Variants in XIRP2 observed in about 807,000 individuals in gnomAD.
The protein encoded by XIRP2 is xin actin binding repeat containing 2.
A neutral mutation model predicts 277.0 loss-of-function variants in XIRP2; 236 were observed. The observed-to-expected ratio is 0.85, with a 90% CI of 0.77 to 0.95. The LOEUF is 0.95. Ranked by LOEUF, XIRP2 falls within the 40% of genes least tolerant of loss-of-function variation. The probability of loss-of-function intolerance (pLI) is 0.00; values close to 1 mark genes in which losing one functional copy is unlikely to be tolerated. For missense variants in XIRP2, 4,640 were observed against 4,157.5 expected (o/e 1.12, Z -3.19); for synonymous variants, 1,490 against 1,416.5 (o/e 1.05, Z -1.17).
At chr2:167,225,300 G>A (rs950799429) in intron 5 of XIRP2, among the ~76,000 whole-genome samples, 5 of 152,172 alleles carry the variant, frequency 3.3e-5, no homozygotes, top group African/African-American at 9.7e-5. Context: ...GAGAAAAAGA[G>A]GAAGAGTTGA....
chr2:167,173,287 C>T (rs1573932968), intron 3 of XIRP2, among the ~76,000 whole-genome samples: 1 of 151,044 alleles, frequency 6.6e-6, no homozygotes, highest in African/African-American at 2.5e-5. Context: ...CCACACTATG[C>T]TTCTCAGCCT....
At chr2:167,211,955 G>A (rs1162005434) in intron 4 of XIRP2, among the ~76,000 whole-genome samples, 1 of 152,110 alleles carries the variant, frequency 6.6e-6, no homozygotes, top group East Asian at 1.9e-4. Context: ...AGTTGTGTAT[G>A]AGAGAGGGAG....
rs1304842245 is a variant in XIRP2 at position 167,118,441 on chromosome 2, C to T, written c.409-17468C>T. Among the ~76,000 whole-genome samples, 9 of 150,910 alleles carry T rather than the reference C, an allele frequency of 6.0e-5. 1 individual carries two copies. In the East Asian group the frequency reaches 1.8e-3, roughly 30 times the overall value. On this transcript the variant is annotated intron_variant, in intron 2 of 10. Coordinates refer to ENST00000409195, the MANE Select transcript of XIRP2 (RefSeq NM_152381.6). The stretch of plus-strand genomic sequence containing the variant: ...AGGTTGCAGTGAGCCAAGATCGGGC[C>T]ACCGCACTCCAGCCTGGGCGACACA...
At position 167,258,781 on chromosome 2, in the gene XIRP2, T is replaced by C; in HGVS notation, c.*964T>C. ...CGAGTGAAGCAAATGACACTGCAAA[T>C]GAATATGAAATTGAGAAGTTAGAAA... On this transcript the variant is annotated 3_prime_UTR_variant, in exon 11 of 11. Coordinates refer to ENST00000409195, the MANE Select transcript of XIRP2 (RefSeq NM_152381.6). 6.2e-7 allele frequency: 1 copy of C among 1,613,306 alleles called. No homozygotes were observed. The highest frequency in any genetic ancestry group is 8.5e-7 in the Non-Finnish European group (1 of 1,179,622).
chr2:167,226,760 C>A (rs1357352248), intron 5 of XIRP2, among the ~76,000 whole-genome samples: 15 of 152,054 alleles, frequency 9.9e-5, no homozygotes, highest in Admixed American at 9.8e-4. Context: ...TCGAAGAGTT[C>A]TCTGTCTGTA....
Position 167,258,417 on chromosome 2 carries a change from C to T in XIRP2, c.*600C>T, listed in dbSNP as rs1695728258. On this transcript the variant is annotated 3_prime_UTR_variant, in exon 11 of 11. Transcript: ENST00000409195. Reference sequence around the variant, plus strand: ...ATAGGAATCAAAGAAATGAAAATGCCTGAAGGAAGAAAAGATGAAAAGAAG... The same window carrying T: ...ATAGGAATCAAAGAAATGAAAATGCTTGAAGGAAGAAAAGATGAAAAGAAG... 4.3e-6 allele frequency: 7 copies of T among 1,612,744 alleles called. No individual in the cohort carries two copies. The South Asian group carries it at 4.4e-5, about 10-fold the overall frequency.
intron 2 of XIRP2, among the ~76,000 whole-genome samples, chr2:167,054,371 T>C (rs1403004120): frequency 2.0e-5 from 3 of 152,072 alleles, no homozygotes; most frequent in African/African-American, 7.2e-5. Flanking sequence ...CCACTAGTGG[T>C]TCATGTGTTC....
intron 3 of XIRP2, among the ~76,000 whole-genome samples, chr2:167,153,342 GT>G (rs1243528575): frequency 6.6e-6 from 1 of 151,328 alleles, no homozygotes; most frequent in East Asian, 1.9e-4. Flanking sequence ...AAGCTTCAGT[GT>G]TTCACTCTTT....
chr2:167,188,585 A>G lies in XIRP2; in HGVS notation c.563-22150A>G, dbSNP rs16853183. ...AAGAGCACCTGTTTTGAGTTTTAGA[A>G]GATAAAATTATTGAGTGGCAAAACT... is the stretch of plus-strand genomic sequence containing the variant. On this transcript the variant is annotated intron_variant, in intron 3 of 10. Coordinates refer to ENST00000409195, the MANE Select transcript of XIRP2 (RefSeq NM_152381.6). 6.7e-3 allele frequency among the ~76,000 whole-genome samples: 1,014 copies of G among 152,344 alleles called. 15 individuals are homozygous for G. The highest frequency in any genetic ancestry group is 0.023 in the African/African-American group (962 of 41,574).
chr2:167,041,775 A>C (rs895298486), intron 2 of XIRP2, among the ~76,000 whole-genome samples: 2 of 152,178 alleles, frequency 1.3e-5, no homozygotes, highest in African/African-American at 2.4e-5. Flanking sequence ...CATATTTAAG[A>C]ATATTGCCCA....
intron 2 of XIRP2, among the ~76,000 whole-genome samples, chr2:167,113,349 A>G (rs902244286): frequency 1.3e-5 from 2 of 152,174 alleles, no homozygotes; most frequent in African/African-American, 2.4e-5. Context: ...ATACACATCT[A>G]TTTAAGATAG....
rs1695172282 is a variant in XIRP2 at position 167,244,221 on chromosome 2, AG to A, written c.2830del (p.Asp944MetfsTer2). 2 of 1,613,646 alleles carry A rather than the reference AG, an allele frequency of 1.2e-6. No homozygotes were observed. Among genetic ancestry groups the A allele is most frequent in the African/African-American group, 1.3e-5 (1 of 75,008 alleles). On this transcript the variant is annotated frameshift_variant, in exon 9 of 11. Coordinates refer to ENST00000409195, the MANE Select transcript of XIRP2 (RefSeq NM_152381.6). LOFTEE classifies it high-confidence loss of function. ...TVKLEEVDRG[D>X]VKNYTHIFES... ...TGAAACTTGAAGAAGTTGACAGAGG[AG>A]ATGTGAAGAATTACACACATATCTT...
intron 2 of XIRP2, among the ~76,000 whole-genome samples, chr2:167,069,766 C>A (rs1410545965): frequency 6.6e-6 from 1 of 152,112 alleles, no homozygotes; most frequent in Non-Finnish European, 1.5e-5. Context: ...AGCCAGCTAA[C>A]CTCTCTAGGT....
At chr2:167,012,752 G>A (rs1291382168) in intron 2 of XIRP2, among the ~76,000 whole-genome samples, 1 of 151,334 alleles carries the variant, frequency 6.6e-6, no homozygotes, top group Non-Finnish European at 1.5e-5. Context: ...TTTTCTTTTA[G>A]AGATTCAGAC....
intron 2 of XIRP2, among the ~76,000 whole-genome samples, chr2:167,033,888 A>C (rs773992952): frequency 1.3e-5 from 2 of 152,194 alleles, no homozygotes; most frequent in Non-Finnish European, 2.9e-5. Flanking sequence ...GAAATTCTTC[A>C]ATCTGAAAGA....
intron 2 of XIRP2, 120 bp downstream of exon 2, chr2:166,904,010 G>A (rs1480691184): frequency 8.6e-6 from 10 of 1,157,224 alleles, no homozygotes; most frequent in South Asian, 6.3e-5. Context: ...TCCTGAAGCC[G>A]ATGTGTAATG....
At chr2:167,020,924 A>G (rs1453683659) in intron 2 of XIRP2, among the ~76,000 whole-genome samples, 1 of 152,068 alleles carries the variant, frequency 6.6e-6, no homozygotes, top group Non-Finnish European at 1.5e-5. Flanking sequence ...TTAATTGTTA[A>G]TTGAAATAAT....
intron 2 of XIRP2, among the ~76,000 whole-genome samples, chr2:166,958,857 C>T (rs181462094): frequency 1.4e-4 from 22 of 151,882 alleles, no homozygotes; most frequent in African/African-American, 5.3e-4. Flanking sequence ...AATAATCAGC[C>T]TTTCATTCAG....
At chr2:167,065,911 A>C (rs1190914869) in intron 2 of XIRP2, among the ~76,000 whole-genome samples, 1 of 151,994 alleles carries the variant, frequency 6.6e-6, no homozygotes, top group Admixed American at 6.6e-5. Flanking sequence ...TCTCACATGC[A>C]TAGTTTCTTT....
Sources: allele counts gnomAD v4.1 joint callset (sites outside exome capture counted in the v4.1 genomes callset), GRCh38; gene constraint gnomAD v4.1.1; transcripts MANE v1.5; gene names NCBI Gene and HGNC (gene_info 2026-07-23, HGNC 2026-07-21).